TENM1: variants seen among roughly 807,000 people sequenced by gnomAD.
The protein encoded by TENM1 is teneurin-1.
In TENM1, 35 loss-of-function variants were observed where a neutral mutation model predicts 174.8. That is an observed-to-expected ratio of 0.20 (90% CI 0.15 to 0.27). The LOEUF is 0.27. TENM1 is among the 10% of genes least tolerant of loss of function. The probability of loss-of-function intolerance (pLI) is 1.00; values close to 1 mark genes in which losing one functional copy is unlikely to be tolerated. For synonymous variants in TENM1, 781 were observed against 798.7 expected (o/e 0.98, Z 0.37); for missense variants, 1,633 against 2,130.1 (o/e 0.77, Z 4.59).
intron 3 of TENM1, among the ~76,000 whole-genome samples, chrX:124,810,109 T>C (rs2055724935): frequency 9.0e-6 from 1 of 111,130 alleles, no homozygotes; most frequent in Non-Finnish European, 1.9e-5. Context: ...CTTTACATCA[T>C]ACTCAATGCA....
At chrX:125,196,187 C>T in the TENM1 span, among the ~76,000 whole-genome samples, 1 of 111,031 alleles carries the variant, frequency 9.0e-6, no homozygotes, top group African/African-American at 3.3e-5. Context: ...GAAATTAATA[C>T]TATCTTCCCC....
rs1436793125 is a variant in TENM1 at position 124,754,660 on chromosome X, T to C, written c.536-17463A>G. Reference sequence around the variant, plus strand: ...ATTTCCGTCTACACACTGCTTTGAATGTGTCCCAGAGATTCTGGTATGTTG... The same window carrying C: ...ATTTCCGTCTACACACTGCTTTGAACGTGTCCCAGAGATTCTGGTATGTTG... On this transcript the variant is annotated intron_variant, in intron 3 of 31. Transcript: ENST00000422452. Among the ~76,000 whole-genome samples, 12 of 110,212 alleles carry C rather than the reference T, an allele frequency of 1.1e-4. 1 individual carries two copies. Among genetic ancestry groups the C allele is most frequent in the Non-Finnish European group, 2.1e-4 (11 of 52,901 alleles).
chrX:124,470,056 G>A (rs2061282592), intron 22 of TENM1, among the ~76,000 whole-genome samples: 1 of 111,635 alleles, frequency 9.0e-6, no homozygotes, highest in Non-Finnish European at 1.9e-5. Flanking sequence ...TAGTGAGACT[G>A]TAAATGTGTT....
the TENM1 span, among the ~76,000 whole-genome samples, chrX:125,165,195 G>A: frequency 5.4e-5 from 6 of 111,724 alleles, no homozygotes; most frequent in East Asian, 2.8e-4. Context: ...TATGAGGATG[G>A]AAACGACACA....
At chrX:125,014,925 TATG>T in the TENM1 span, among the ~76,000 whole-genome samples, 7 of 111,877 alleles carry the variant, frequency 6.3e-5, no homozygotes, top group African/African-American at 2.3e-4. Context: ...TGTGTTTGAA[TATG>T]ATGACAAATA....
chrX:124,979,226 T>G, the TENM1 span, among the ~76,000 whole-genome samples: 3 of 112,556 alleles, frequency 2.7e-5, no homozygotes, highest in Non-Finnish European at 5.6e-5. Context: ...AATAGTTTAT[T>G]GAAATACAAA....
chrX:124,622,213 T>C (rs1326546000), intron 11 of TENM1, among the ~76,000 whole-genome samples: 1 of 112,265 alleles, frequency 8.9e-6, no homozygotes, highest in African/African-American at 3.2e-5. Flanking sequence ...ACTAGAAATA[T>C]TAGATTGAAC....
the TENM1 span, among the ~76,000 whole-genome samples, chrX:125,109,788 G>A: frequency 0.038 from 4,274 of 111,213 alleles, 217 homozygotes; most frequent in African/African-American, 0.13. Context: ...CACTAGTGTC[G>A]ACAAATCGGG....
At chrX:125,097,038 G>A in the TENM1 span, among the ~76,000 whole-genome samples, 1 of 111,388 alleles carries the variant, frequency 9.0e-6, no homozygotes, top group East Asian at 2.8e-4. Context: ...TCTGTTGTGT[G>A]TGCTGAGCTG....
At chrX:124,815,212 T>A (rs1412040028) in intron 3 of TENM1, among the ~76,000 whole-genome samples, 1 of 111,858 alleles carries the variant, frequency 8.9e-6, no homozygotes, top group Non-Finnish European at 1.9e-5. Flanking sequence ...TGCTTATTTA[T>A]ATACTTCATG....
chrX:124,468,466 G>A (rs1332389544), intron 22 of TENM1, among the ~76,000 whole-genome samples: 2 of 112,421 alleles, frequency 1.8e-5, no homozygotes, highest in Non-Finnish European at 3.8e-5. Flanking sequence ...GTCAGCCACC[G>A]CGCCCGCGCC....
At chrX:124,737,992 G>T (rs758123533) in intron 3 of TENM1, among the ~76,000 whole-genome samples, 68 of 111,764 alleles carry the variant, frequency 6.1e-4, no homozygotes, top group African/African-American at 2.1e-3. Context: ...TTCTATTGTT[G>T]CTATTGCTTG....
intron 3 of TENM1, among the ~76,000 whole-genome samples, chrX:124,859,100 C>T (rs1311064252): frequency 9.0e-6 from 1 of 111,173 alleles, no homozygotes; most frequent in African/African-American, 3.3e-5. Flanking sequence ...ATGTTTTTAT[C>T]CTTTGGCTAG....
chrX:124,514,413 G>T (rs2047652458), intron 18 of TENM1, among the ~76,000 whole-genome samples: 1 of 111,131 alleles, frequency 9.0e-6, no homozygotes, highest in South Asian at 3.7e-4. Context: ...AAATTCAGGT[G>T]TTGGTTTTTT....
intron 11 of TENM1, among the ~76,000 whole-genome samples, chrX:124,566,832 G>A (rs2048952354): frequency 8.9e-6 from 1 of 111,775 alleles, no homozygotes; most frequent in Admixed American, 9.5e-5. Flanking sequence ...TTGAAATAAA[G>A]ATAACTGCAT....
chrX:125,078,724 C>T, the TENM1 span, among the ~76,000 whole-genome samples: 1 of 111,452 alleles, frequency 9.0e-6, no homozygotes, highest in Non-Finnish European at 1.9e-5. Context: ...GAAGGAAATA[C>T]ACAGAAAATA....
intron 2 of TENM1, 136 bp downstream of exon 5, chrX:124,895,845 A>G (rs912249680): frequency 2.8e-6 from 2 of 723,403 alleles, no homozygotes; most frequent in Non-Finnish European, 4.0e-6. Flanking sequence ...TGCCTTGTCC[A>G]TGAGTCCCTG....
At chrX:124,824,388 C>G (rs999367348) in intron 3 of TENM1, among the ~76,000 whole-genome samples, 8 of 111,906 alleles carry the variant, frequency 7.1e-5, no homozygotes, top group African/African-American at 2.6e-4. Context: ...ATTCACTTTA[C>G]ACATTTTCTT....
chrX:124,626,429 T>A (rs1306639625), intron 11 of TENM1, among the ~76,000 whole-genome samples: 2 of 111,131 alleles, frequency 1.8e-5, no homozygotes, highest in African/African-American at 6.5e-5. Flanking sequence ...TCTTTCCCTC[T>A]CCACTTATCT....
Sources: allele counts gnomAD v4.1 joint callset (sites outside exome capture counted in the v4.1 genomes callset), GRCh38; gene constraint gnomAD v4.1.1; transcripts MANE v1.5; gene names NCBI Gene and HGNC (gene_info 2026-07-23, HGNC 2026-07-21).